TMTC3: variants seen among roughly 807,000 people sequenced by gnomAD.
The protein encoded by TMTC3 is transmembrane O-mannosyltransferase targeting cadherins 3, also known as protein O-mannosyl-transferase TMTC3.
A neutral mutation model predicts 92.2 loss-of-function variants in TMTC3; 52 were observed. The ratio of observed to expected loss-of-function variants is 0.56; its 90% CI spans 0.45 to 0.71. The LOEUF is 0.71. Ranked by LOEUF, TMTC3 falls within the 30% of genes least tolerant of loss-of-function variation. The pLI, the probability that TMTC3 is intolerant of heterozygous loss-of-function variation, is 0.00. For missense variants in TMTC3, 896 were observed against 1,057.1 expected (o/e 0.85, Z 2.11); for synonymous variants, 339 against 363.3 (o/e 0.93, Z 0.76).
intron 10 of TMTC3, among the ~76,000 whole-genome samples, chr12:88,183,140 A>G (rs979223311): frequency 1.3e-5 from 2 of 152,136 alleles, no homozygotes; most frequent in Admixed American, 6.5e-5. Flanking sequence ...TCATGGGCCA[A>G]CTAATTCATG....
rs61941052 is a variant in TMTC3 at position 88,184,126 on chromosome 12, C to T, written c.1433-4717C>T. On this transcript the variant is annotated intron_variant, in intron 10 of 13. Transcript: ENST00000266712. ...TTGCGTGACAGCGTGGCTAGGGGAC[C>T]GCATGGCTCAGCACCACCAACAAGA... 7.0e-3 allele frequency among the ~76,000 whole-genome samples: 1,068 copies of T among 152,172 alleles called. 6 individuals are homozygous for T. The highest frequency in any genetic ancestry group is 0.043 in the South Asian group (205 of 4,810).
intron 10 of TMTC3, among the ~76,000 whole-genome samples, chr12:88,186,427 G>C (rs924602789): frequency 6.6e-6 from 1 of 152,114 alleles, no homozygotes; most frequent in South Asian, 2.1e-4. Context: ...GATAAGAAAT[G>C]AAAGAGACTC....
At chr12:88,178,728 T>G (rs1256787784) in intron 10 of TMTC3, among the ~76,000 whole-genome samples, 1 of 152,150 alleles carries the variant, frequency 6.6e-6, no homozygotes, top group African/African-American at 2.4e-5. Flanking sequence ...CATGGATTAA[T>G]TATATTCTAA....
intron 7 of TMTC3, among the ~76,000 whole-genome samples, chr12:88,169,546 A>G (rs2041181628): frequency 6.6e-6 from 1 of 152,188 alleles, no homozygotes; most frequent in Non-Finnish European, 1.5e-5. Context: ...TAAGTAGAAC[A>G]AAGGAGCACC....
chr12:88,157,317 T>TA, intron 4 of TMTC3, among the ~76,000 whole-genome samples: 1 of 151,830 alleles, frequency 6.6e-6, no homozygotes, highest in East Asian at 1.9e-4. Context: ...TTGTATTCCC[T>TA]ATTGTATCTA....
chr12:88,155,107 T>C (rs2040990932), intron 4 of TMTC3, among the ~76,000 whole-genome samples: 2 of 152,200 alleles, frequency 1.3e-5, no homozygotes, highest in African/African-American at 2.4e-5. Context: ...GGATTTGTAA[T>C]AGTAGGTTTG....
At chr12:88,181,178 G>A (rs764821050) in intron 10 of TMTC3, among the ~76,000 whole-genome samples, 9 of 152,188 alleles carry the variant, frequency 5.9e-5, no homozygotes, top group Non-Finnish European at 1.2e-4. Flanking sequence ...AAACACAAAA[G>A]TTAAGAGAAA....
intron 7 of TMTC3, among the ~76,000 whole-genome samples, chr12:88,171,244 A>G (rs2041201603): frequency 6.6e-6 from 1 of 152,114 alleles, no homozygotes; most frequent in Non-Finnish European, 1.5e-5. Flanking sequence ...ACCTATTAGC[A>G]TATTTCATTA....
At chr12:88,142,960 A>G (rs2040774815) in intron 1 of TMTC3, among the ~76,000 whole-genome samples, 1 of 152,094 alleles carries the variant, frequency 6.6e-6, no homozygotes, top group Non-Finnish European at 1.5e-5. Flanking sequence ...TATTGTTGCC[A>G]CTTGCTTGGT....
chr12:88,160,960 A>T (rs1387997530), intron 6 of TMTC3, 109 bp downstream of exon 6: 13 of 1,154,598 alleles, frequency 1.1e-5, no homozygotes, highest in Non-Finnish European at 1.5e-5. Flanking sequence ...CAGTTTTATT[A>T]AGCTATAATT....
Position 88,160,104 on chromosome 12 carries a change from C to A in TMTC3, c.509-10C>A. 6.6e-7 allele frequency: 1 copy of A among 1,517,064 alleles called. No individual in the cohort carries two copies. The highest frequency in any genetic ancestry group is 8.9e-7 in the Non-Finnish European group (1 of 1,121,010). The allele number at this position is 1,517,064 out of a possible 1,614,324, so 94.0% of individuals were successfully genotyped here. A position where few individuals can be genotyped will look rare whatever the true frequency, so the allele number is the denominator to read the frequency against. On this transcript the variant is annotated splice_polypyrimidine_tract_variant and intron_variant, in intron 4 of 13. Transcript: ENST00000266712. ...TCTGAATTTTTATATTTTCTGTTCT[C>A]AAATTGCAGTATGGACTCCAATTGC...
chr12:88,163,490 AT>A (rs1045360858), intron 6 of TMTC3, among the ~76,000 whole-genome samples: 85 of 152,284 alleles, frequency 5.6e-4, no homozygotes, highest in African/African-American at 2.0e-3. Context: ...AATAACAGAA[AT>A]TTGTTCCCTC....
intron 2 of TMTC3, among the ~76,000 whole-genome samples, chr12:88,151,447 G>A (rs969231462): frequency 7.2e-5 from 11 of 152,096 alleles, no homozygotes; most frequent in Admixed American, 6.5e-4. Flanking sequence ...ATGCCCGAAA[G>A]TAATAATGAT....
chr12:88,189,943 C>T (rs2041423872), intron 11 of TMTC3, among the ~76,000 whole-genome samples: 1 of 151,752 alleles, frequency 6.6e-6, no homozygotes, highest in African/African-American at 2.4e-5. Context: ...TCATACAGTT[C>T]AACTTTAAAA....
chr12:88,163,650 AC>A (rs2041106465), intron 6 of TMTC3, among the ~76,000 whole-genome samples: 1 of 145,416 alleles, frequency 6.9e-6, no homozygotes, highest in East Asian at 2.1e-4. Context: ...TAACTCCATC[AC>A]TTCAATCTAC....
intron 11 of TMTC3, among the ~76,000 whole-genome samples, chr12:88,190,006 A>G (rs1217892036): frequency 6.6e-6 from 1 of 152,098 alleles, no homozygotes; most frequent in East Asian, 1.9e-4. Flanking sequence ...ATTACAATTG[A>G]GAAAACTTCA....
chr12:88,143,288 A>G (rs1459834548), intron 1 of TMTC3, among the ~76,000 whole-genome samples: 1 of 152,212 alleles, frequency 6.6e-6, no homozygotes, highest in Non-Finnish European at 1.5e-5. Context: ...TCAGTACAAA[A>G]TAAAAAGATA....
At chr12:88,159,286 GTT>G (rs1377404085) in intron 4 of TMTC3, among the ~76,000 whole-genome samples, 1 of 152,130 alleles carries the variant, frequency 6.6e-6, no homozygotes, top group African/African-American at 2.4e-5. Context: ...GATGAAGTAT[GTT>G]TTTCATTTAA....
chr12:88,186,759 T>C (rs1041465380), intron 10 of TMTC3, among the ~76,000 whole-genome samples: 1 of 152,196 alleles, frequency 6.6e-6, no homozygotes, highest in African/African-American at 2.4e-5. Context: ...AAGAATTGCT[T>C]AGAAATTAGG....
Sources: allele counts gnomAD v4.1 joint callset (sites outside exome capture counted in the v4.1 genomes callset), GRCh38; gene constraint gnomAD v4.1.1; transcripts MANE v1.5; gene names NCBI Gene and HGNC (gene_info 2026-07-23, HGNC 2026-07-21).